The following ATF6 variants were observed in gnomAD, a reference collection of about 807,000 sequenced individuals.
The protein encoded by ATF6 is cyclic AMP-dependent transcription factor ATF-6 alpha.
Under a neutral mutation model 83.6 loss-of-function variants are expected in ATF6, and 53 were observed. That is an observed-to-expected ratio of 0.63 (90% CI 0.51 to 0.80). The LOEUF is 0.80. Among genes scored for constraint, ATF6 ranks in the 30% least tolerant of loss-of-function variants. The probability of loss-of-function intolerance (pLI) is 0.00; values close to 1 mark genes in which losing one functional copy is unlikely to be tolerated. For missense variants in ATF6, 744 were observed against 797.9 expected, an observed-to-expected ratio of 0.93 and a Z score of 0.81; for synonymous variants, 288 against 285.8, an observed-to-expected ratio of 1.01 and a Z score of -0.08.
At chr1:161,881,024 G>T (rs2101858160) in intron 14 of ATF6, among the ~76,000 whole-genome samples, 2 of 152,160 alleles carry the variant, frequency 1.3e-5, no homozygotes, top group Middle Eastern at 3.4e-3. Context: ...AACTTTTTAT[G>T]TGCTTATTTG....
At position 161,829,263 on chromosome 1, in the gene ATF6, G is replaced by A. The variant is rs1029205201; in HGVS notation, c.1187+8102G>A. Among the ~76,000 whole-genome samples the A allele has an allele frequency of 4.2e-5, 6 of 144,070 alleles. No homozygotes were observed. In the East Asian group the frequency reaches 1.1e-3, roughly 26 times the overall value. 94.5% of individuals were successfully genotyped at this position (144,070 alleles called of 152,430 possible). ...TGCCCAGGCTGGAGTGCAGTGGCGCGATCTCAGCTCACTGCAAGCTCCGCC... is the reference window on the plus strand; with the variant it reads ...TGCCCAGGCTGGAGTGCAGTGGCGCAATCTCAGCTCACTGCAAGCTCCGCC... On this transcript the variant is annotated intron_variant, in intron 9 of 15. Coordinates refer to ENST00000367942, the MANE Select transcript of ATF6 (RefSeq NM_007348.4).
intron 15 of ATF6, among the ~76,000 whole-genome samples, chr1:161,947,479 G>T (rs1297209124): frequency 6.6e-6 from 1 of 152,192 alleles, no homozygotes; most frequent in East Asian, 1.9e-4. Context: ...GCCCATTTGA[G>T]CAGGGGGCTT....
At chr1:161,875,024 TC>T (rs1159107088) in intron 14 of ATF6, among the ~76,000 whole-genome samples, 1 of 151,774 alleles carries the variant, frequency 6.6e-6, no homozygotes, top group Non-Finnish European at 1.5e-5. Context: ...GTTTCCACAT[TC>T]CTTTATGTTT....
chr1:161,908,824 A>T (rs1383346781), intron 14 of ATF6, among the ~76,000 whole-genome samples: 1 of 152,184 alleles, frequency 6.6e-6, no homozygotes, highest in Non-Finnish European at 1.5e-5. Flanking sequence ...AAACAATTTA[A>T]TTGGAGGGAA....
chr1:161,812,394 T>C (rs1199007974), intron 7 of ATF6, among the ~76,000 whole-genome samples: 16 of 111,830 alleles, frequency 1.4e-4, no homozygotes, highest in Admixed American at 5.4e-4. Context: ...TTTTTTTTTT[T>C]TTTTTTTTTT....
intron 15 of ATF6, among the ~76,000 whole-genome samples, chr1:161,929,382 C>A (rs1481309824): frequency 1.3e-5 from 2 of 152,262 alleles, no homozygotes; most frequent in South Asian, 2.1e-4. Flanking sequence ...CCATGGCTGG[C>A]CCTTGCAACT....
intron 7 of ATF6, among the ~76,000 whole-genome samples, chr1:161,816,048 C>G (rs763859073): frequency 6.6e-6 from 1 of 152,190 alleles, no homozygotes; most frequent in Non-Finnish European, 1.5e-5. Flanking sequence ...GAAAGTTTTC[C>G]TTTTATATAA....
At position 161,824,380 on chromosome 1, in the gene ATF6, C is replaced by T. The variant is rs1399213838; in HGVS notation, c.1187+3219C>T. Reference sequence around the variant, plus strand: ...TTAAAAAACATCAAGTTTTTTTGGTCAAAATTAAAAAAAAAAAAAAAAGCT... The same window carrying T: ...TTAAAAAACATCAAGTTTTTTTGGTTAAAATTAAAAAAAAAAAAAAAAGCT... On this transcript the variant is annotated intron_variant, in intron 9 of 15. Transcript: ENST00000367942. Among the ~76,000 whole-genome samples the T allele has an allele frequency of 7.9e-5, 7 of 88,810 alleles. No individual in the cohort carries two copies. The Admixed American group carries it at 1.0e-3, about 13-fold the overall frequency. 58.3% of individuals were successfully genotyped at this position (88,810 alleles called of 152,430 possible). A position where few individuals can be genotyped will look rare whatever the true frequency, so the allele number is the denominator to read the frequency against.
At chr1:161,802,343 T>C in intron 7 of ATF6, 71 bp downstream of exon 7, 3 of 1,387,866 alleles carry the variant, frequency 2.2e-6, no homozygotes, top group South Asian at 1.3e-5. Flanking sequence ...CTTTTGCTTT[T>C]GTTGCCTTGT....
At chr1:161,886,473 C>G (rs957413621) in intron 14 of ATF6, among the ~76,000 whole-genome samples, 2 of 152,170 alleles carry the variant, frequency 1.3e-5, no homozygotes, top group African/African-American at 4.8e-5. Flanking sequence ...CTTCATTGTA[C>G]AAACGTCATA....
intron 15 of ATF6, among the ~76,000 whole-genome samples, chr1:161,934,657 T>G (rs1374250808): frequency 6.6e-6 from 1 of 152,254 alleles, no homozygotes; most frequent in African/African-American, 2.4e-5. Flanking sequence ...GTTTTTAAGC[T>G]AGTGATTTTT....
chr1:161,783,263 G>A (rs1029596585), intron 3 of ATF6, among the ~76,000 whole-genome samples: 2 of 152,106 alleles, frequency 1.3e-5, no homozygotes, highest in Admixed American at 6.5e-5. Context: ...AATTCTTGGG[G>A]AGGGGAAATC....
chr1:161,810,596 C>T (rs962663630), intron 7 of ATF6, among the ~76,000 whole-genome samples: 3 of 151,994 alleles, frequency 2.0e-5, no homozygotes, highest in Non-Finnish European at 4.4e-5. Flanking sequence ...AGTCCATAAG[C>T]TCTTTTGTTG....
At chr1:161,871,850 T>TTG (rs56386601) in intron 14 of ATF6, among the ~76,000 whole-genome samples, 21,400 of 151,066 alleles carry the variant, frequency 0.14, 2,060 homozygotes, top group East Asian at 0.31. Context: ...ATCTGTGTGT[T>TTG]TGTGTGTGTG....
At chr1:161,881,573 G>C (rs1275388325) in intron 14 of ATF6, among the ~76,000 whole-genome samples, 1 of 152,120 alleles carries the variant, frequency 6.6e-6, no homozygotes, top group African/African-American at 2.4e-5. Context: ...TATGTGGAAG[G>C]GGTATGGAGC....
chr1:161,822,933 T>G (rs1392695775), intron 9 of ATF6, among the ~76,000 whole-genome samples: 1 of 152,176 alleles, frequency 6.6e-6, no homozygotes, highest in Non-Finnish European at 1.5e-5. Context: ...AGTTTAAAAA[T>G]TTTGGTTTTA....
chr1:161,864,189 A>G (rs1686943780), intron 14 of ATF6, among the ~76,000 whole-genome samples: 1 of 151,820 alleles, frequency 6.6e-6, no homozygotes, highest in Non-Finnish European at 1.5e-5. Flanking sequence ...TTTTAAGAAT[A>G]CACTGGGTAT....
chr1:161,930,177 G>A (rs1361479024), intron 15 of ATF6, among the ~76,000 whole-genome samples: 1 of 152,178 alleles, frequency 6.6e-6, no homozygotes, highest in Non-Finnish European at 1.5e-5. Flanking sequence ...AATAAATTAT[G>A]AGCTTATTTT....
At chr1:161,791,062 ATG>A (rs72157843) in intron 4 of ATF6, among the ~76,000 whole-genome samples, 70,148 of 137,128 alleles carry the variant, frequency 0.51, 20,095 homozygotes, top group Middle Eastern at 0.66. Flanking sequence ...CAAGTTTTAT[ATG>A]TGTGTGTGTG....
Sources: allele counts gnomAD v4.1 joint callset (sites outside exome capture counted in the v4.1 genomes callset), GRCh38; gene constraint gnomAD v4.1.1; transcripts MANE v1.5; gene names NCBI Gene and HGNC (gene_info 2026-07-23, HGNC 2026-07-21).